The following TIMP4 variants were observed in gnomAD, a reference collection of about 807,000 sequenced individuals.
TIMP4 encodes the protein TIMP metallopeptidase inhibitor 4.
Under a neutral mutation model 27.3 loss-of-function variants are expected in TIMP4, and 28 were observed. That is an observed-to-expected ratio of 1.03 (90% CI 0.76 to 1.41). The LOEUF (loss-of-function observed/expected upper bound fraction) is 1.41. TIMP4 is among the 40% of genes most tolerant of loss of function. The probability of loss-of-function intolerance (pLI) is 0.00; values close to 1 mark genes in which losing one functional copy is unlikely to be tolerated. For synonymous variants in TIMP4, 138 were observed against 115.5 expected (o/e 1.20, Z -1.25); for missense variants, 307 against 285.5 (o/e 1.08, Z -0.54).
chr3:12,156,865 C>T lies in TIMP4; in HGVS notation c.307G>A (p.Gly103Ser). Residue 103 changes from glycine (G) to serine (S), a missense_variant, in exon 3 of 5, where the codon GGT (glycine) becomes AGT (serine). Transcript: ENST00000287814. ...TGGCTGTTGGCTTCTAGTTTCACAC[C>T]ACAGAGGGAAGAGTCAAAAGGCGTA... is the stretch of plus-strand genomic sequence containing the variant. ...IYTPFDSSLC[G>S]VKLEANSQKQ... 1.2e-6 allele frequency: 2 copies of T among 1,614,154 alleles called. No homozygotes were observed. Among genetic ancestry groups the T allele is most frequent in the Non-Finnish European group, 1.7e-6 (2 of 1,180,036 alleles).
Position 12,154,428 on chromosome 3 carries a change from CTT to C in TIMP4, c.374_375del (p.Lys125SerfsTer49). On this transcript the variant is annotated frameshift_variant, in exon 4 of 5. Transcript: ENST00000287814. LOFTEE classifies it high-confidence loss of function. ...LLTGQVLSDGKVFIHLCNYIE... is the reference protein window; with the variant it reads ...LLTGQVLSDGXVFIHLCNYIE... ...ATGTAGTTGCACAGATGGATGAAGA[CTT>C]TTCCATCACTGAGGACCTGACCTTC... 1 of 1,614,108 alleles carries C rather than the reference CTT, an allele frequency of 6.2e-7. No homozygotes were observed. Among genetic ancestry groups the C allele is most frequent in the Non-Finnish European group, 8.5e-7 (1 of 1,180,012 alleles).
chr3:12,154,398 G>A lies in TIMP4; in HGVS notation c.406C>T (p.Pro136Ser), dbSNP rs1697394046. ...TGCACCAAGGACAGGTCCTCCCAGG[G>A]CTCGATGTAGTTGCACAGATGGATG... is the stretch of plus-strand genomic sequence containing the variant. ...VFIHLCNYIE[P>S]WEDLSLVQRE... Residue 136 changes from proline (P) to serine (S), a missense_variant, in exon 4 of 5, where the codon CCC (proline) becomes TCC (serine). Pro to Ser is a moderately conservative substitution (Grantham distance 74). Transcript: ENST00000287814. The A allele has an allele frequency of 3.1e-6, 5 of 1,614,046 alleles. No individual in the cohort carries two copies. The highest frequency in any genetic ancestry group is 4.2e-6 in the Non-Finnish European group (5 of 1,180,032).
rs750207308 is a variant in TIMP4, at chr3:12,153,588, A to T, written c.602T>A (p.Val201Asp). The T allele has an allele frequency of 1.2e-6, 2 of 1,614,052 alleles. No homozygotes were observed. Among genetic ancestry groups the T allele is most frequent in the Non-Finnish European group, 1.7e-6 (2 of 1,180,000 alleles). The change falls in exon 5 of 5, where the codon GTT (valine) becomes GAT (aspartate). Residue 201 changes from valine to aspartate, a missense_variant. By Grantham distance (152) the Val-to-Asp change is radical. Coordinates refer to ENST00000287814, the MANE Select transcript of TIMP4 (RefSeq NM_003256.4). ...CCGGTACCAGCTGCAGGTGCCGTCAACATGCTTCATACAGACATAATGCTG... is the reference window on the plus strand; with the variant it reads ...CCGGTACCAGCTGCAGGTGCCGTCATCATGCTTCATACAGACATAATGCTG... The part of the protein sequence containing the change: ...QAQHYVCMKH[V>D]DGTCSWYRGH...
chr3:12,154,592 C>G, intron 3 of TIMP4, 141 bp from the exon 4 acceptor site: 1 of 814,712 alleles, frequency 1.2e-6, no homozygotes, highest in Non-Finnish European at 1.9e-6. Flanking sequence ...GTGAAGGGAC[C>G]AATAAATAAA....
At position 12,153,145 on chromosome 3, in the gene TIMP4, A is replaced by C; in HGVS notation, c.*370T>G. 3.0e-6 allele frequency: 1 copy of C among 332,730 alleles called. No individual in the cohort carries two copies. The highest frequency in any genetic ancestry group is 3.2e-5 in the South Asian group (1 of 31,622). 20.6% of individuals were successfully genotyped at this position (332,730 alleles called of 1,614,324 possible). ...TTCTGATACTGTACATCGCAAGGAT[A>C]TACCATCTCATGTGTATGACATTCG... On this transcript the variant is annotated 3_prime_UTR_variant, in exon 5 of 5. Coordinates refer to ENST00000287814, the MANE Select transcript of TIMP4 (RefSeq NM_003256.4).
chr3:12,153,396 TG>T lies in TIMP4; in HGVS notation c.*118del, dbSNP rs1433429242. ...CTTGACAGTGGCCAGACTGTCCACT[TG>T]GCACTTCTTATTAGCTGGCAGCAAG... is the stretch of plus-strand genomic sequence containing the variant. On this transcript the variant is annotated 3_prime_UTR_variant, in exon 5 of 5. Coordinates refer to ENST00000287814, the MANE Select transcript of TIMP4 (RefSeq NM_003256.4). 6.7e-6 allele frequency: 8 copies of T among 1,196,868 alleles called. No individual in the cohort carries two copies. In the Admixed American group the frequency reaches 1.0e-4, roughly 16 times the overall value. 74.1% of individuals were successfully genotyped at this position (1,196,868 alleles called of 1,614,324 possible). A position where few individuals can be genotyped will look rare whatever the true frequency, so the allele number is the denominator to read the frequency against.
At chr3:12,158,191 G>A (rs1460730441) in intron 1 of TIMP4, among the ~76,000 whole-genome samples, 1 of 152,216 alleles carries the variant, frequency 6.6e-6, no homozygotes, top group African/African-American at 2.4e-5. Context: ...AGAGACCTAA[G>A]TTAGCCCTTG....
rs1317839564 is a variant in TIMP4 at position 12,153,688 on chromosome 3, A to G, written c.502T>C (p.Cys168Arg). The G allele has an allele frequency of 6.2e-7, 1 of 1,614,218 alleles. No individual in the cohort carries two copies. ...CQITTCYTVP[C>R]TISAPNECLW... is the part of the protein sequence containing the mutation. Reference sequence around the variant, plus strand: ...CACTCGTTAGGGGCCGAGATGGTACAGGGTACTGTGTAGCAGGTGGTGATC... The same window carrying G: ...CACTCGTTAGGGGCCGAGATGGTACGGGGTACTGTGTAGCAGGTGGTGATC... Residue 168 changes from cysteine to arginine, a missense_variant, in exon 5 of 5, where the codon TGT becomes CGT. Transcript: ENST00000287814.
rs1317712701 is a variant in TIMP4 at position 12,157,487 on chromosome 3, A to T, written c.140-5T>A. The T allele has an allele frequency of 3.1e-6, 5 of 1,614,062 alleles. No homozygotes were observed. Among genetic ancestry groups the T allele is most frequent in the Admixed American group, 3.3e-5 (2 of 60,020 alleles). On this transcript the variant is annotated splice_polypyrimidine_tract_variant and splice_region_variant and intron_variant, in intron 1 of 4. Coordinates refer to ENST00000287814, the MANE Select transcript of TIMP4 (RefSeq NM_003256.4). ...TGGAGATTTTGGCCCGAATCACTGCATAGGAAGAGAAAAGAGGGAACCTTC... is the reference window on the plus strand; with the variant it reads ...TGGAGATTTTGGCCCGAATCACTGCTTAGGAAGAGAAAAGAGGGAACCTTC...
rs995698207 is a variant in TIMP4, at chr3:12,153,402, T to A, written c.*113A>T. 4.7e-6 allele frequency: 6 copies of A among 1,277,308 alleles called. No homozygotes were observed. In the African/African-American group the frequency reaches 7.3e-5, roughly 16 times the overall value. 79.1% of individuals were successfully genotyped at this position (1,277,308 alleles called of 1,614,324 possible). On this transcript the variant is annotated 3_prime_UTR_variant, in exon 5 of 5. Coordinates refer to ENST00000287814, the MANE Select transcript of TIMP4 (RefSeq NM_003256.4). ...AGTGGCCAGACTGTCCACTTGGCAC[T>A]TCTTATTAGCTGGCAGCAAGAGGTC... is the stretch of plus-strand genomic sequence containing the variant.
At chr3:12,155,048 CGTTCAGGGTGGTATGGCCGTAGAT>C (rs1697416168) in intron 3 of TIMP4, among the ~76,000 whole-genome samples, 2 of 20,662 alleles carry the variant, frequency 9.7e-5, no homozygotes, top group Middle Eastern at 0.038. Flanking sequence ...AGATCGGGCG[CGTTCAGGGTGGTATGGCCGTAGAT>C]TCCTTTTCAC....
intron 1 of TIMP4, 54 bp downstream of exon 1, chr3:12,158,648 T>TA: frequency 1.2e-6 from 2 of 1,602,118 alleles, no homozygotes; most frequent in Non-Finnish European, 1.7e-6. Context: ...GCTGGCCAGA[T>TA]ACTAATCCCC....
Position 12,157,466 on chromosome 3 carries a change from G to T in TIMP4, c.156C>A (p.Ile52=), listed in dbSNP as rs745990405. The T allele has an allele frequency of 7.4e-6, 12 of 1,614,062 alleles. No individual in the cohort carries two copies. The Admixed American group carries it at 1.0e-4, about 13-fold the overall frequency. The change falls in exon 2 of 5, where the codon ATC becomes ATA. Residue 52 remains isoleucine (I), a synonymous_variant. Coordinates refer to ENST00000287814, the MANE Select transcript of TIMP4 (RefSeq NM_003256.4). ...TGGCCGGAACTACCTTCTCACTGGA[G>T]ATTTTGGCCCGAATCACTGCATAGG... ...CHSALVIRAK[I]SSEKVVPASA...
chr3:12,157,670 C>T (rs1025536832), intron 1 of TIMP4, among the ~76,000 whole-genome samples, 188 bp from the exon 2 acceptor site: 3 of 152,164 alleles, frequency 2.0e-5, no homozygotes, highest in African/African-American at 4.8e-5. Flanking sequence ...ACTGGAAGTT[C>T]CAAACCCCTC....
chr3:12,158,659 C>G, intron 1 of TIMP4, 43 bp downstream of exon 1: 2 of 1,605,368 alleles, frequency 1.2e-6, no homozygotes, highest in Non-Finnish European at 1.7e-6. Flanking sequence ...ACTAATCCCC[C>G]ACAACCACCC....
Position 12,158,834 on chromosome 3 carries a change from C to T in TIMP4, c.7G>A (p.Gly3Arg). ...CAGCTTGGCGCGGGCCGAGGGCTCC[C>T]AGGCATGACACTGCAGATCCGCGAC... is the stretch of plus-strand genomic sequence containing the variant. MP[G>R]SPRPAPSWVL... The change falls in exon 1 of 5, where the codon GGG becomes AGG. Residue 3 changes from glycine (G) to arginine (R), a missense_variant. Transcript: ENST00000287814. The T allele has an allele frequency of 6.3e-7, 1 of 1,584,952 alleles. No homozygotes were observed.
chr3:12,157,535 C>G (rs922135939), intron 1 of TIMP4, 53 bp from the exon 2 acceptor site: 7 of 1,553,656 alleles, frequency 4.5e-6, no homozygotes, highest in Non-Finnish European at 5.3e-6. Flanking sequence ...GGGCAATACA[C>G]CTGAGGTCTG....
intron 1 of TIMP4, among the ~76,000 whole-genome samples, chr3:12,158,055 C>T (rs1317237317): frequency 6.6e-6 from 1 of 152,190 alleles, no homozygotes; most frequent in Non-Finnish European, 1.5e-5. Context: ...GGTCCCCATC[C>T]TGCCGAGCTC....
intron 4 of TIMP4, 151 bp downstream of exon 4, chr3:12,154,176 C>G (rs1324863607): frequency 1.7e-6 from 2 of 1,184,628 alleles, no homozygotes; most frequent in Non-Finnish European, 2.4e-6. Flanking sequence ...ACTTTGAGAT[C>G]AGGGCCTATA....
Sources: gnomAD v4.1 joint callset for allele counts (sites outside exome capture counted in the v4.1 genomes callset) on GRCh38, gnomAD v4.1.1 for gene constraint, MANE v1.5 for transcripts, NCBI Gene and HGNC (gene_info 2026-07-23, HGNC 2026-07-21) for gene names.